The following RANBP2 variants were observed in gnomAD, a reference collection of about 807,000 sequenced individuals.
RANBP2 encodes RAN binding protein 2, also known as E3 SUMO-protein ligase RanBP2.
Under a neutral mutation model 303.6 loss-of-function variants are expected in RANBP2, and 57 were observed. The observed-to-expected ratio is 0.19, with a 90% CI of 0.15 to 0.23. The LOEUF is 0.23. Among genes scored for constraint, RANBP2 ranks in the 10% least tolerant of loss-of-function variants. RANBP2 has a pLI of 1.00. For missense variants in RANBP2, 3,138 were observed against 3,780.8 expected (o/e 0.83, Z 4.46); for synonymous variants, 1,167 against 1,301.5 (o/e 0.90, Z 2.23).
At chr2:109,522,698 C>T in the RANBP2 span, among the ~76,000 whole-genome samples, 1 of 152,118 alleles carries the variant, frequency 6.6e-6, no homozygotes, top group Non-Finnish European at 1.5e-5. Context: ...ACGTTCAGTG[C>T]ATCAGGCCCA....
the RANBP2 span, among the ~76,000 whole-genome samples, chr2:109,460,407 T>A: frequency 2.0e-5 from 3 of 152,208 alleles, no homozygotes; most frequent in Admixed American, 1.3e-4. Flanking sequence ...TCTCTGCTGC[T>A]GGTGGATTGG....
At chr2:109,645,896 T>C in the RANBP2 span, among the ~76,000 whole-genome samples, 7 of 152,130 alleles carry the variant, frequency 4.6e-5, no homozygotes, top group African/African-American at 1.7e-4. Flanking sequence ...GCCATTCCCA[T>C]TTCAAACTCT....
chr2:109,718,105 C>T, the RANBP2 span, among the ~76,000 whole-genome samples: 520 of 152,162 alleles, frequency 3.4e-3, 1 homozygote, highest in Middle Eastern at 6.8e-3. Flanking sequence ...AAACTGGAAC[C>T]CTCACATATT....
chr2:108,906,709 T>C, the RANBP2 span, among the ~76,000 whole-genome samples: 59 of 152,334 alleles, frequency 3.9e-4, no homozygotes, highest in African/African-American at 1.4e-3. Context: ...AGCAGAGCCG[T>C]GCGGGGCTCC....
At chr2:109,124,844 G>A in the RANBP2 span, among the ~76,000 whole-genome samples, 1 of 152,152 alleles carries the variant, frequency 6.6e-6, no homozygotes, top group Non-Finnish European at 1.5e-5. Context: ...ACGGTGCAAT[G>A]CCTGGCGGAG....
chr2:109,514,401 C>T, the RANBP2 span, among the ~76,000 whole-genome samples: 13 of 152,310 alleles, frequency 8.5e-5, no homozygotes, highest in Non-Finnish European at 1.6e-4. Context: ...ATCCGCCCAC[C>T]GCCCCCAGGG....
At chr2:109,130,053 G>C in the RANBP2 span, 10 of 1,366,924 alleles carry the variant, frequency 7.3e-6, no homozygotes, top group Admixed American at 6.8e-5. Flanking sequence ...CCGCGGCCGC[G>C]GGCAGCACCG....
At chr2:109,355,890 C>T in the RANBP2 span, among the ~76,000 whole-genome samples, 40 of 152,286 alleles carry the variant, frequency 2.6e-4, no homozygotes, top group African/African-American at 9.4e-4. Context: ...AGCAATGGCT[C>T]CAGGTTTTTG....
chr2:109,491,096 G>A, the RANBP2 span, among the ~76,000 whole-genome samples: 1 of 152,232 alleles, frequency 6.6e-6, no homozygotes, highest in Non-Finnish European at 1.5e-5. Flanking sequence ...TGGGTGGTGA[G>A]TGCTGGATGA....
the RANBP2 span, chr2:109,490,945 A>C: frequency 6.8e-7 from 1 of 1,477,186 alleles, no homozygotes; most frequent in South Asian, 1.4e-5. Context: ...AGGTAAGTGC[A>C]GGGGCTTGTC....
At chr2:109,064,516 T>C in the RANBP2 span, among the ~76,000 whole-genome samples, 19 of 151,120 alleles carry the variant, frequency 1.3e-4, no homozygotes, top group Non-Finnish European at 2.1e-4. Context: ...TGCACCCAGT[T>C]CTCTCAGTGC....
the RANBP2 span, among the ~76,000 whole-genome samples, chr2:109,253,391 G>C: frequency 6.6e-6 from 1 of 152,204 alleles, no homozygotes; most frequent in African/African-American, 2.4e-5. Flanking sequence ...ACAAAGAAGA[G>C]GCCCCAGGAT....
At chr2:109,659,829 G>C in the RANBP2 span, among the ~76,000 whole-genome samples, 1 of 152,222 alleles carries the variant, frequency 6.6e-6, no homozygotes, top group Non-Finnish European at 1.5e-5. Flanking sequence ...TCCAGTCTGG[G>C]AGGGCTGATG....
intron 17 of RANBP2, among the ~76,000 whole-genome samples, chr2:108,757,561 G>A (rs1676409324): frequency 6.6e-6 from 1 of 152,100 alleles, no homozygotes; most frequent in Non-Finnish European, 1.5e-5. Flanking sequence ...TCCCTTTCCT[G>A]GTGGAGCATT....
At chr2:109,682,625 C>T in the RANBP2 span, among the ~76,000 whole-genome samples, 52 of 152,254 alleles carry the variant, frequency 3.4e-4, no homozygotes, top group African/African-American at 1.2e-3. Flanking sequence ...GTACCTCTGG[C>T]CCCGTCCCTT....
At chr2:109,332,079 C>T in the RANBP2 span, among the ~76,000 whole-genome samples, 2 of 152,148 alleles carry the variant, frequency 1.3e-5, no homozygotes, top group Non-Finnish European at 1.5e-5. Flanking sequence ...ATGTGTTTGC[C>T]AGTCTTTTGG....
the RANBP2 span, among the ~76,000 whole-genome samples, chr2:108,864,952 C>T: frequency 1.3e-5 from 2 of 152,136 alleles, no homozygotes; most frequent in African/African-American, 4.8e-5. Context: ...GAGTGAGGCC[C>T]TGTTTTAAGA....
the RANBP2 span, among the ~76,000 whole-genome samples, chr2:109,225,588 C>T: frequency 6.6e-6 from 1 of 152,354 alleles, no homozygotes; most frequent in Admixed American, 6.5e-5. Context: ...CTCCACGTTC[C>T]TCTCTGGGAC....
chr2:109,355,215 C>T, the RANBP2 span, among the ~76,000 whole-genome samples: 3 of 152,242 alleles, frequency 2.0e-5, no homozygotes, highest in East Asian at 1.9e-4. Flanking sequence ...AACCTGTAAA[C>T]GAAATTGAGC....
Sources: allele counts gnomAD v4.1 joint callset (sites outside exome capture counted in the v4.1 genomes callset), GRCh38; gene constraint gnomAD v4.1.1; transcripts MANE v1.5; gene names NCBI Gene and HGNC (gene_info 2026-07-23, HGNC 2026-07-21).